The following PDGFC variants were observed in gnomAD, a reference collection of about 807,000 sequenced individuals.
PDGFC encodes platelet derived growth factor C.
In PDGFC, 12 loss-of-function variants were observed where a neutral mutation model predicts 35.5. The ratio of observed to expected loss-of-function variants is 0.34; its 90% CI spans 0.22 to 0.55. The LOEUF is 0.55. Among genes scored for constraint, PDGFC ranks in the 20% least tolerant of loss-of-function variants. The probability of loss-of-function intolerance (pLI) is 0.91; values close to 1 mark genes in which losing one functional copy is unlikely to be tolerated. For missense variants in PDGFC, 322 were observed against 412.4 expected, an observed-to-expected ratio of 0.78 and a Z score of 1.90; for synonymous variants, 159 against 148.8, an observed-to-expected ratio of 1.07 and a Z score of -0.50.
chr4:156,927,552 C>T lies in PDGFC; in HGVS notation c.118+43234G>A, dbSNP rs989390622. Among the ~76,000 whole-genome samples, 5 of 152,112 alleles carry T rather than the reference C, an allele frequency of 3.3e-5. No individual in the cohort carries two copies. The South Asian group carries it at 8.3e-4, about 25-fold the overall frequency. ...CATCTCTCTCAAGTTCAAAGTTGCA[C>T]GAATCTCTAAGGCAGGGGCAAAATG... is the stretch of plus-strand genomic sequence containing the variant. On this transcript the variant is annotated intron_variant, in intron 1 of 5. Transcript: ENST00000502773.
intron 1 of PDGFC, among the ~76,000 whole-genome samples, chr4:156,857,331 G>C (rs538673210): frequency 6.6e-6 from 1 of 151,934 alleles, no homozygotes; most frequent in Non-Finnish European, 1.5e-5. Context: ...CTGATTTTAC[G>C]AACATCAAAT....
chr4:156,789,917 C>T lies in PDGFC; in HGVS notation c.496-17024G>A, dbSNP rs1420840272. On this transcript the variant is annotated intron_variant, in intron 3 of 5. Transcript: ENST00000502773. ...GCGTGAACCCGGGAGGCGGAGCTTG[C>T]AGTGAGCCGAGATCATGCCACGGTA... Among the ~76,000 whole-genome samples, 7 of 137,300 alleles carry T rather than the reference C, an allele frequency of 5.1e-5. No homozygotes were observed. In the East Asian group the frequency reaches 1.5e-3, roughly 29 times the overall value. The allele number at this position is 137,300 out of a possible 152,430, so 90.1% of individuals were successfully genotyped here. A position where few individuals can be genotyped will look rare whatever the true frequency, so the allele number is the denominator to read the frequency against.
intron 1 of PDGFC, among the ~76,000 whole-genome samples, chr4:156,862,584 A>G (rs1325639897): frequency 2.0e-5 from 3 of 152,200 alleles, no homozygotes; most frequent in African/African-American, 7.2e-5. Context: ...ACACACTTTC[A>G]GAGAATGGAC....
intron 2 of PDGFC, among the ~76,000 whole-genome samples, chr4:156,817,848 C>T (rs1732135860): frequency 6.6e-6 from 1 of 151,836 alleles, no homozygotes; most frequent in Non-Finnish European, 1.5e-5. Flanking sequence ...CACCTGAGGT[C>T]AGGAGTTCAA....
At chr4:156,962,459 G>A (rs1459267172) in intron 1 of PDGFC, among the ~76,000 whole-genome samples, 2 of 152,124 alleles carry the variant, frequency 1.3e-5, no homozygotes, top group African/African-American at 4.8e-5. Context: ...TGTTCCCATA[G>A]CACTTTGAGC....
At chr4:156,909,823 G>T (rs1730998239) in intron 1 of PDGFC, among the ~76,000 whole-genome samples, 1 of 152,086 alleles carries the variant, frequency 6.6e-6, no homozygotes, top group Non-Finnish European at 1.5e-5. Context: ...TGTCTTTTCA[G>T]ATTCTTAAGT....
At chr4:156,864,347 T>G (rs1256090454) in intron 1 of PDGFC, among the ~76,000 whole-genome samples, 1 of 152,136 alleles carries the variant, frequency 6.6e-6, no homozygotes, top group Non-Finnish European at 1.5e-5. Flanking sequence ...ATTAAATTCA[T>G]ACTTGGAATT....
chr4:156,885,390 A>C (rs1260200011), intron 1 of PDGFC, among the ~76,000 whole-genome samples: 2 of 152,214 alleles, frequency 1.3e-5, no homozygotes, highest in African/African-American at 2.4e-5. Context: ...ATCAATGAAA[A>C]TGAAAATTTT....
chr4:156,810,061 A>G (rs1158880641), intron 3 of PDGFC, among the ~76,000 whole-genome samples: 1 of 151,944 alleles, frequency 6.6e-6, no homozygotes, highest in Non-Finnish European at 1.5e-5. Context: ...AGATACTGTA[A>G]AAGTATACTA....
intron 1 of PDGFC, among the ~76,000 whole-genome samples, chr4:156,914,992 C>T (rs1479921368): frequency 6.6e-6 from 1 of 151,982 alleles, no homozygotes; most frequent in African/African-American, 2.4e-5. Context: ...AAAAAACAAG[C>T]AATTAAATTG....
chr4:156,920,892 A>G (rs1444116165), intron 1 of PDGFC, among the ~76,000 whole-genome samples: 1 of 152,206 alleles, frequency 6.6e-6, no homozygotes, highest in Non-Finnish European at 1.5e-5. Context: ...GCTGGAGTGT[A>G]GTTGTTACAG....
At chr4:156,816,337 T>C (rs1442423878) in intron 2 of PDGFC, among the ~76,000 whole-genome samples, 3 of 152,172 alleles carry the variant, frequency 2.0e-5, no homozygotes, top group African/African-American at 7.2e-5. Context: ...ATTAAGAAGA[T>C]GACAAACATT....
At chr4:156,825,166 G>A (rs960823222) in intron 2 of PDGFC, among the ~76,000 whole-genome samples, 2 of 152,062 alleles carry the variant, frequency 1.3e-5, no homozygotes, top group African/African-American at 2.4e-5. Flanking sequence ...AAAAGGGTAG[G>A]CCCTCCTCAA....
chr4:156,849,940 CTTATT>C (rs1214069584), intron 2 of PDGFC, among the ~76,000 whole-genome samples: 1 of 151,922 alleles, frequency 6.6e-6, no homozygotes, highest in Non-Finnish European at 1.5e-5. Flanking sequence ...TTCTCTAATC[CTTATT>C]TTAAATGGTT....
rs145347768 is a variant in PDGFC, at chr4:156,837,125, C to G, written c.314+13096G>C. On this transcript the variant is annotated intron_variant, in intron 2 of 5. Transcript: ENST00000502773. ...TTTCAATACTGGAGGTATATCTAAACAAAACATTGATGAGGTTGAGACAAG... is the reference window on the plus strand; with the variant it reads ...TTTCAATACTGGAGGTATATCTAAAGAAAACATTGATGAGGTTGAGACAAG... Among the ~76,000 whole-genome samples, 635 of 152,252 alleles carry G rather than the reference C, an allele frequency of 4.2e-3. 8 individuals are homozygous for G. The highest frequency in any genetic ancestry group is 0.014 in the African/African-American group (587 of 41,554).
chr4:156,853,027 C>T (rs1405623509), intron 1 of PDGFC, among the ~76,000 whole-genome samples: 2 of 152,146 alleles, frequency 1.3e-5, no homozygotes, highest in Non-Finnish European at 2.9e-5. Context: ...AATTCAGTCA[C>T]GTGGTGCCTG....
chr4:156,915,710 G>A (rs879489841), intron 1 of PDGFC, among the ~76,000 whole-genome samples: 4 of 152,016 alleles, frequency 2.6e-5, no homozygotes, highest in Admixed American at 6.6e-5. Context: ...GAAGAATCCC[G>A]GCAGAGGTTG....
chr4:156,798,977 G>A (rs997967363), intron 3 of PDGFC, among the ~76,000 whole-genome samples: 3 of 152,172 alleles, frequency 2.0e-5, no homozygotes, highest in African/African-American at 4.8e-5. Context: ...AGCCTCCTAC[G>A]TTTATGTCCA....
At chr4:156,870,336 A>T (rs1211479089) in intron 1 of PDGFC, among the ~76,000 whole-genome samples, 1 of 152,080 alleles carries the variant, frequency 6.6e-6, no homozygotes, top group Non-Finnish European at 1.5e-5. Context: ...AAGGAATTTC[A>T]TCAGAAAATA....
Sources: gnomAD v4.1 joint callset for allele counts (sites outside exome capture counted in the v4.1 genomes callset) on GRCh38, gnomAD v4.1.1 for gene constraint, MANE v1.5 for transcripts, NCBI Gene and HGNC (gene_info 2026-07-23, HGNC 2026-07-21) for gene names.